The following NOX4 variants were observed in gnomAD, a reference collection of about 807,000 sequenced individuals.
NOX4 encodes NADPH oxidase 4.
A neutral mutation model predicts 87.6 loss-of-function variants in NOX4; 69 were observed. The ratio of observed to expected loss-of-function variants is 0.79; its 90% confidence interval spans 0.65 to 0.96. The LOEUF is 0.96. NOX4 is among the 40% of genes least tolerant of loss of function. NOX4 has a pLI of 0.00. For missense variants in NOX4, 680 were observed against 681.5 expected, an observed-to-expected ratio of 1.00 and a Z score of 0.02; for synonymous variants, 275 against 238.2, an observed-to-expected ratio of 1.15 and a Z score of -1.42.
At chr11:89,521,129 G>A in the NOX4 span, among the ~76,000 whole-genome samples, 1 of 152,042 alleles carries the variant, frequency 6.6e-6, no homozygotes, top group Non-Finnish European at 1.5e-5. Context: ...CAGTTTCAAT[G>A]CTATTCACAT....
At chr11:89,346,964 G>T (rs1946242247) in intron 13 of NOX4, among the ~76,000 whole-genome samples, 1 of 152,108 alleles carries the variant, frequency 6.6e-6, no homozygotes, top group Non-Finnish European at 1.5e-5. Flanking sequence ...AACATCAGTA[G>T]CATTAGGCAT....
chr11:89,429,736 A>AAAGTCC (rs1414373674), intron 7 of NOX4, among the ~76,000 whole-genome samples: 4 of 147,018 alleles, frequency 2.7e-5, no homozygotes, highest in Admixed American at 1.3e-4. Flanking sequence ...CCAACCAAAA[A>AAAGTCC]AGGACCAGAT....
chr11:89,438,476 C>A (rs1357371923), intron 6 of NOX4, among the ~76,000 whole-genome samples: 1 of 77,516 alleles, frequency 1.3e-5, no homozygotes, highest in Non-Finnish European at 2.0e-5. Context: ...ATATTATATA[C>A]TATATATACT....
At chr11:89,431,297 AAGG>A (rs1943767028) in intron 7 of NOX4, among the ~76,000 whole-genome samples, 2 of 152,216 alleles carry the variant, frequency 1.3e-5, no homozygotes, top group Non-Finnish European at 2.9e-5. Context: ...ACACATGAGC[AAGG>A]ACTTCATGTC....
chr11:89,445,636 A>G (rs1403639095), intron 4 of NOX4, among the ~76,000 whole-genome samples: 1 of 152,152 alleles, frequency 6.6e-6, no homozygotes, highest in Admixed American at 6.6e-5. Flanking sequence ...TTTGTCACAA[A>G]TGGACCTGAA....
At chr11:89,498,760 C>G (rs960130915), upstream of NOX4, 15 of 152,258 alleles carry the variant, frequency 9.9e-5, no homozygotes, top group African/African-American at 3.6e-4. Context: ...GTTGAATGCA[C>G]TTTGGCATAA....
intron 2 of NOX4, among the ~76,000 whole-genome samples, chr11:89,472,842 G>T (rs1355806582): frequency 6.6e-6 from 1 of 152,134 alleles, no homozygotes; most frequent in Non-Finnish European, 1.5e-5. Context: ...ATATTGTCTA[G>T]TGAACAGTTC....
chr11:89,362,761 T>A (rs2135012116), intron 12 of NOX4, among the ~76,000 whole-genome samples: 1 of 151,912 alleles, frequency 6.6e-6, no homozygotes, highest in East Asian at 1.9e-4. Flanking sequence ...TGGAGTATTA[T>A]CCCCTCCTCC....
the NOX4 span, among the ~76,000 whole-genome samples, chr11:89,585,890 A>G: frequency 6.6e-6 from 1 of 152,210 alleles, no homozygotes; most frequent in Non-Finnish European, 1.5e-5. Context: ...CCCAAGGCCT[A>G]TCTACTATCT....
At position 89,325,529 on chromosome 11, in the gene NOX4, A is replaced by G. The variant is rs1308812900; in HGVS notation, c.*1227T>C. 6.6e-6 allele frequency: 1 copy of G among 152,182 alleles called. No individual in the cohort carries two copies. The highest frequency in any genetic ancestry group is 1.5e-5 in the Non-Finnish European group (1 of 68,032). 9.4% of individuals were successfully genotyped at this position (152,182 alleles called of 1,614,324 possible). A position where few individuals can be genotyped will look rare whatever the true frequency, so the allele number is the denominator to read the frequency against. ...AGTTCCAACGGTGACTTTAAACCCA[A>G]TAGTTCCCTATGGAAACTCAGGATA... On this transcript the variant is annotated 3_prime_UTR_variant, in exon 18 of 18. Coordinates refer to ENST00000263317, the MANE Select transcript of NOX4 (RefSeq NM_016931.5).
intron 8 of NOX4, among the ~76,000 whole-genome samples, chr11:89,412,967 C>A (rs569795671): frequency 1.3e-5 from 2 of 151,732 alleles, no homozygotes; most frequent in African/African-American, 2.4e-5. Flanking sequence ...ATAAATAACT[C>A]AAATAGTTAT....
At chr11:89,508,744 C>G in the NOX4 span, among the ~76,000 whole-genome samples, 1 of 152,016 alleles carries the variant, frequency 6.6e-6, no homozygotes, top group African/African-American at 2.4e-5. Context: ...TGCTGTGTTA[C>G]GTAGTGCTCA....
intron 12 of NOX4, among the ~76,000 whole-genome samples, chr11:89,356,608 C>G (rs1403201622): frequency 2.0e-5 from 3 of 152,054 alleles, no homozygotes; most frequent in Non-Finnish European, 4.4e-5. Context: ...TCTCCTCCTG[C>G]CCAATTTGGA....
intron 7 of NOX4, among the ~76,000 whole-genome samples, chr11:89,428,519 G>T (rs771794148): frequency 6.6e-6 from 1 of 151,790 alleles, no homozygotes; most frequent in Non-Finnish European, 1.5e-5. Flanking sequence ...GATGGAGGAA[G>T]ATCTACCAAG....
At chr11:89,478,515 T>G (rs1043202150) in intron 2 of NOX4, among the ~76,000 whole-genome samples, 2 of 152,228 alleles carry the variant, frequency 1.3e-5, no homozygotes, top group Non-Finnish European at 2.9e-5. Context: ...ATAGTTGATA[T>G]TTGAGCTGAT....
chr11:89,413,116 T>C (rs1056128245), intron 8 of NOX4, among the ~76,000 whole-genome samples: 1 of 152,026 alleles, frequency 6.6e-6, no homozygotes, highest in Non-Finnish European at 1.5e-5. Flanking sequence ...AAAGTAAAAC[T>C]ACAATGCGAT....
Position 89,449,427 on chromosome 11 carries a change from G to T in NOX4, c.349+13C>A. The T allele has an allele frequency of 1.3e-6, 2 of 1,552,322 alleles. No homozygotes were observed. The highest frequency in any genetic ancestry group is 8.8e-7 in the Non-Finnish European group (1 of 1,132,498). ...ATTCTAACAAATTATTTAATATCTT[G>T]TGGCTTTCTCACCTGAGAAAATACA... On this transcript the variant is annotated intron_variant, in intron 4 of 17. Transcript: ENST00000263317.
intron 8 of NOX4, among the ~76,000 whole-genome samples, chr11:89,402,984 C>G (rs1000075437): frequency 2.0e-5 from 3 of 152,126 alleles, no homozygotes; most frequent in Admixed American, 6.6e-5. Context: ...CTGGATAAAA[C>G]AAGCCTTGCT....
chr11:89,396,357 A>G (rs1280627978), intron 11 of NOX4, among the ~76,000 whole-genome samples: 1 of 152,106 alleles, frequency 6.6e-6, no homozygotes, highest in Non-Finnish European at 1.5e-5. Context: ...TTGATTTTGT[A>G]TCCTGAGACT....
Sources: allele counts gnomAD v4.1 joint callset (sites outside exome capture counted in the v4.1 genomes callset), GRCh38; gene constraint gnomAD v4.1.1; transcripts MANE v1.5; gene names NCBI Gene and HGNC (gene_info 2026-07-23, HGNC 2026-07-21).